Variants in CA10 observed in about 807,000 individuals in gnomAD.
CA10 encodes the protein carbonic anhydrase-related protein 10.
In CA10, 14 loss-of-function variants were observed where a neutral mutation model predicts 44.2. The ratio of observed to expected loss-of-function variants is 0.32; its 90% confidence interval spans 0.21 to 0.50. CA10 has a LOEUF of 0.50. Among genes scored for constraint, CA10 ranks in the 20% least tolerant of loss-of-function variants. CA10 has a pLI of 0.99. For missense variants in CA10, 350 were observed against 409.7 expected, an observed-to-expected ratio of 0.85 and a Z score of 1.26; for synonymous variants, 159 against 141.6, an observed-to-expected ratio of 1.12 and a Z score of -0.87.
chr17:51,887,323 CA>C (rs1488095195), intron 3 of CA10, among the ~76,000 whole-genome samples: 2 of 152,144 alleles, frequency 1.3e-5, no homozygotes, highest in Non-Finnish European at 2.9e-5. Flanking sequence ...CAAGCAGGCC[CA>C]CAAGGCTGAA....
At chr17:52,057,662 A>G (rs1253914198) in intron 2 of CA10, among the ~76,000 whole-genome samples, 1 of 152,018 alleles carries the variant, frequency 6.6e-6, no homozygotes, top group Non-Finnish European at 1.5e-5. Context: ...TTAAAACTCA[A>G]CAGTAACTAC....
chr17:51,718,385 A>T (rs1392622039), intron 4 of CA10, among the ~76,000 whole-genome samples: 1 of 152,156 alleles, frequency 6.6e-6, no homozygotes, highest in African/African-American at 2.4e-5. Context: ...CCAATGACCA[A>T]TGACTTAATC....
At chr17:51,661,119 T>C (rs772334686) in intron 4 of CA10, among the ~76,000 whole-genome samples, 1 of 152,140 alleles carries the variant, frequency 6.6e-6, no homozygotes, top group Non-Finnish European at 1.5e-5. Context: ...GACTGATGAA[T>C]GCTCACCTCT....
At chr17:51,933,636 T>C (rs879798096) in intron 2 of CA10, among the ~76,000 whole-genome samples, 1 of 152,118 alleles carries the variant, frequency 6.6e-6, no homozygotes, top group Non-Finnish European at 1.5e-5. Flanking sequence ...GGAAAAGTAA[T>C]ACAGCACCCC....
At chr17:51,703,429 G>C (rs1350928196) in intron 4 of CA10, among the ~76,000 whole-genome samples, 2 of 152,070 alleles carry the variant, frequency 1.3e-5, no homozygotes, top group Non-Finnish European at 2.9e-5. Context: ...TGGCCCTGGG[G>C]TGGGCCAGCC....
intron 4 of CA10, among the ~76,000 whole-genome samples, chr17:51,747,288 A>C (rs1268923479): frequency 6.6e-6 from 1 of 152,266 alleles, no homozygotes; most frequent in Non-Finnish European, 1.5e-5. Context: ...TGAGAGGCTG[A>C]TCGCCCAGAT....
At chr17:51,754,097 G>T (rs986664682) in intron 3 of CA10, among the ~76,000 whole-genome samples, 1 of 151,952 alleles carries the variant, frequency 6.6e-6, no homozygotes. Context: ...ACCTGCCTCG[G>T]CCTCCCAAAG....
At chr17:51,957,610 T>C (rs981153368) in intron 2 of CA10, among the ~76,000 whole-genome samples, 1 of 152,134 alleles carries the variant, frequency 6.6e-6, no homozygotes, top group Non-Finnish European at 1.5e-5. Context: ...GCACATCTAC[T>C]TGGAGTCCAA....
At position 52,127,599 on chromosome 17, in the gene CA10, G is replaced by C. The variant is rs114667111; in HGVS notation, c.61+30127C>G. ...AGCATCTCTGTGGTATTCTAGGGAG[G>C]TAGTCAGTTGGGCAGAAGAGGCTGG... On this transcript the variant is annotated intron_variant, in intron 1 of 8. Coordinates refer to ENST00000451037, the MANE Select transcript of CA10 (RefSeq NM_020178.5). 4.9e-3 allele frequency among the ~76,000 whole-genome samples: 740 copies of C among 152,238 alleles called. 6 individuals are homozygous for C. Among genetic ancestry groups the C allele is most frequent in the African/African-American group, 0.017 (711 of 41,542 alleles).
chr17:52,095,999 T>C (rs895914405), intron 1 of CA10, among the ~76,000 whole-genome samples: 27 of 152,160 alleles, frequency 1.8e-4, no homozygotes, highest in Non-Finnish European at 2.9e-5. Flanking sequence ...CTGTGAAATC[T>C]TGGTTTCAAT....
At chr17:51,656,728 G>A (rs549525568) in intron 4 of CA10, among the ~76,000 whole-genome samples, 29 of 152,238 alleles carry the variant, frequency 1.9e-4, no homozygotes, top group East Asian at 5.8e-4. Context: ...ATGCAGAATC[G>A]GGAGCCCCAT....
At chr17:51,818,381 A>G (rs1907647161) in intron 3 of CA10, among the ~76,000 whole-genome samples, 1 of 152,210 alleles carries the variant, frequency 6.6e-6, no homozygotes, top group Non-Finnish European at 1.5e-5. Flanking sequence ...AGTATATCTT[A>G]TTTGCTTGTA....
At chr17:52,010,090 T>A (rs1054399571) in intron 2 of CA10, among the ~76,000 whole-genome samples, 3 of 151,672 alleles carry the variant, frequency 2.0e-5, no homozygotes, top group African/African-American at 4.8e-5. Flanking sequence ...AATAAAAAAA[T>A]TAAAAAATAA....
At chr17:51,968,316 C>T (rs1984155883) in intron 2 of CA10, among the ~76,000 whole-genome samples, 1 of 151,864 alleles carries the variant, frequency 6.6e-6, no homozygotes, top group African/African-American at 2.4e-5. Context: ...TGTCCTTCAA[C>T]TGGTGAGTGG....
chr17:51,865,419 C>G (rs1018247756), intron 3 of CA10, among the ~76,000 whole-genome samples: 2 of 152,122 alleles, frequency 1.3e-5, no homozygotes, highest in African/African-American at 2.4e-5. Flanking sequence ...CAGGGGGTTC[C>G]TCCTGCTGCC....
intron 3 of CA10, among the ~76,000 whole-genome samples, chr17:51,825,683 A>T (rs961169589): frequency 2.0e-5 from 3 of 152,228 alleles, no homozygotes; most frequent in Non-Finnish European, 4.4e-5. Flanking sequence ...TTGCATACTC[A>T]TTACATACAA....
chr17:51,906,802 T>C (rs1981574610), intron 3 of CA10, among the ~76,000 whole-genome samples: 1 of 152,108 alleles, frequency 6.6e-6, no homozygotes, highest in Admixed American at 6.6e-5. Flanking sequence ...CAATGACTAC[T>C]CTCCTTCTCT....
chr17:51,671,153 C>A (rs1316928200), intron 4 of CA10, among the ~76,000 whole-genome samples: 3 of 152,140 alleles, frequency 2.0e-5, no homozygotes, highest in Admixed American at 6.5e-5. Flanking sequence ...CTACCCCAGG[C>A]ACAGCACTAA....
intron 6 of CA10, among the ~76,000 whole-genome samples, chr17:51,640,277 G>A (rs1913026019): frequency 6.6e-6 from 1 of 152,154 alleles, no homozygotes; most frequent in Non-Finnish European, 1.5e-5. Flanking sequence ...AAAAGCAAGG[G>A]AGGAAGAGAC....
Sources: gnomAD v4.1 joint callset for allele counts (sites outside exome capture counted in the v4.1 genomes callset) on GRCh38, gnomAD v4.1.1 for gene constraint, MANE v1.5 for transcripts, NCBI Gene and HGNC (gene_info 2026-07-23, HGNC 2026-07-21) for gene names.